Variants in KMO observed in about 807,000 individuals in gnomAD.
The protein encoded by KMO is kynurenine 3-hydroxylase.
A neutral mutation model predicts 57.8 loss-of-function variants in KMO; 24 were observed. That is an observed-to-expected ratio of 0.42 (90% CI 0.30 to 0.58). The LOEUF (loss-of-function observed/expected upper bound fraction) is 0.58. Ranked by LOEUF, KMO falls within the 20% of genes least tolerant of loss-of-function variation. The pLI is 0.22. For missense variants in KMO, 483 were observed against 588.2 expected (o/e 0.82, Z 1.85); for synonymous variants, 210 against 193.6 (o/e 1.08, Z -0.70).
chr1:241,544,467 T>C (rs940073134), intron 1 of KMO, among the ~76,000 whole-genome samples: 1 of 152,174 alleles, frequency 6.6e-6, no homozygotes, highest in African/African-American at 2.4e-5. Flanking sequence ...GGGTAACTTC[T>C]ACTGCATTTT....
Position 241,566,665 on chromosome 1 carries a change from A to T in KMO, c.809+53A>T. 2 of 1,597,816 alleles carry T rather than the reference A, an allele frequency of 1.3e-6. 1 individual carries two copies. Among genetic ancestry groups the T allele is most frequent in the East Asian group, 4.5e-5 (2 of 44,718 alleles). Reference sequence around the variant, plus strand: ...CATTTGTTTTAATTATTCCAAATTCAAATAAAGGTTATGCACCTGATTTCA... The same window carrying T: ...CATTTGTTTTAATTATTCCAAATTCTAATAAAGGTTATGCACCTGATTTCA... On this transcript the variant is annotated intron_variant, in intron 9 of 14. Transcript: ENST00000366559.
intron 4 of KMO, among the ~76,000 whole-genome samples, chr1:241,551,399 C>A (rs529321184): frequency 2.0e-5 from 3 of 152,280 alleles, no homozygotes; most frequent in South Asian, 2.1e-4. Flanking sequence ...CAAGAACAAT[C>A]TAGAAGGTTT....
Position 241,593,256 on chromosome 1 carries a change from T to A in KMO, c.*1103T>A. 3.2e-6 allele frequency: 1 copy of A among 310,744 alleles called. No homozygotes were observed. The highest frequency in any genetic ancestry group is 2.9e-5 in the South Asian group (1 of 34,918). 19.2% of individuals were successfully genotyped at this position (310,744 alleles called of 1,614,324 possible). On this transcript the variant is annotated 3_prime_UTR_variant, in exon 15 of 15. Transcript: ENST00000366559. ...TTCAATTTCAGACCCTCAGAAGCAA[T>A]TTACTAATTTATTCTTCGACTACAT...
At chr1:241,588,543 T>C (rs921179688) in intron 11 of KMO, among the ~76,000 whole-genome samples, 4 of 152,070 alleles carry the variant, frequency 2.6e-5, no homozygotes, top group African/African-American at 9.7e-5. Flanking sequence ...ATAGATTAAT[T>C]TTGTTGTAAT....
Position 241,592,367 on chromosome 1 carries a change from C to G in KMO, c.*214C>G, listed in dbSNP as rs1405041836. 1.8e-6 allele frequency: 1 copy of G among 560,550 alleles called. No individual in the cohort carries two copies. The highest frequency in any genetic ancestry group is 3.2e-6 in the Non-Finnish European group (1 of 313,776). The allele number at this position is 560,550 out of a possible 1,614,324, so 34.7% of individuals were successfully genotyped here. Reference sequence around the variant, plus strand: ...ACATGCAGCTTCCCTACATTACACACACTCAGGTTGAGTCATTCTAACTAT... The same window carrying G: ...ACATGCAGCTTCCCTACATTACACAGACTCAGGTTGAGTCATTCTAACTAT... On this transcript the variant is annotated 3_prime_UTR_variant, in exon 15 of 15. Transcript: ENST00000366559.
At chr1:241,572,655 A>G (rs920239242) in intron 10 of KMO, among the ~76,000 whole-genome samples, 5 of 152,024 alleles carry the variant, frequency 3.3e-5, no homozygotes, top group African/African-American at 9.7e-5. Context: ...TATATATTTT[A>G]TTTCAATAGC....
intron 11 of KMO, 82 bp downstream of exon 11, chr1:241,586,818 C>G (rs1312384562): frequency 3.1e-6 from 3 of 960,094 alleles, no homozygotes; most frequent in Non-Finnish European, 4.9e-6. Context: ...TCAATGATCA[C>G]AAACCTGTGA....
intron 9 of KMO, among the ~76,000 whole-genome samples, chr1:241,567,940 T>C (rs112401017): frequency 0.012 from 1,871 of 152,336 alleles, 39 homozygotes; most frequent in African/African-American, 0.042. Flanking sequence ...ATTAGGGTTT[T>C]TGTTTGTTTT....
At chr1:241,560,602 T>G in intron 5 of KMO, 63 bp from the exon 6 acceptor site, 1 of 1,157,994 alleles carries the variant, frequency 8.6e-7, no homozygotes, top group Non-Finnish European at 1.3e-6. Context: ...ACTATTTCAA[T>G]TTGATTAAGT....
chr1:241,591,346 TGTTA>T, intron 14 of KMO, among the ~76,000 whole-genome samples: 1 of 152,038 alleles, frequency 6.6e-6, no homozygotes, highest in East Asian at 1.9e-4. Context: ...ACTATAGCTA[TGTTA>T]GTTATGCTAA....
rs1464506545 is a variant in KMO at position 241,594,371 on chromosome 1, A to G, written c.*2218A>G. 33 of 1,560,726 alleles carry G rather than the reference A, an allele frequency of 2.1e-5. No homozygotes were observed. The highest frequency in any genetic ancestry group is 1.7e-5 in the Non-Finnish European group (19 of 1,148,266). On this transcript the variant is annotated 3_prime_UTR_variant, in exon 15 of 15. Coordinates refer to ENST00000366559, the MANE Select transcript of KMO (RefSeq NM_003679.5). ...GGTATTCCAGACACTTCTTATGATG[A>G]AAGTCCAAAAGTGGCATCCAATTTA...
At chr1:241,541,432 A>G (rs1660954557) in intron 1 of KMO, among the ~76,000 whole-genome samples, 1 of 152,174 alleles carries the variant, frequency 6.6e-6, no homozygotes, top group African/African-American at 2.4e-5. Context: ...AGGGCTGAGG[A>G]ATGGGAATAA....
At chr1:241,589,386 T>C (rs1227562860) in intron 12 of KMO, among the ~76,000 whole-genome samples, 1 of 152,170 alleles carries the variant, frequency 6.6e-6, no homozygotes, top group Non-Finnish European at 1.5e-5. Flanking sequence ...GATTATAGTT[T>C]TAAAATAATA....
At chr1:241,560,279 G>A (rs554448307) in intron 5 of KMO, among the ~76,000 whole-genome samples, 10 of 152,230 alleles carry the variant, frequency 6.6e-5, no homozygotes, top group East Asian at 1.9e-4. Context: ...AGAGACATGC[G>A]TAATATGAGG....
chr1:241,545,591 C>T (rs551890819), intron 1 of KMO, among the ~76,000 whole-genome samples: 1 of 152,264 alleles, frequency 6.6e-6, no homozygotes, highest in African/African-American at 2.4e-5. Context: ...AAGGCCCACC[C>T]TAATGATATC....
chr1:241,580,145 T>A (rs1437534602), intron 10 of KMO, among the ~76,000 whole-genome samples: 1 of 152,160 alleles, frequency 6.6e-6, no homozygotes, highest in Admixed American at 6.5e-5. Context: ...TGGCTTATAG[T>A]ATAGGTTGCA....
chr1:241,551,459 T>C (rs1258343960), intron 4 of KMO, among the ~76,000 whole-genome samples: 1 of 152,202 alleles, frequency 6.6e-6, no homozygotes, highest in African/African-American at 2.4e-5. Context: ...AAAATTGGGC[T>C]TATAATAGAA....
intron 14 of KMO, 144 bp downstream of exon 14, chr1:241,590,407 C>A: frequency 1.5e-6 from 1 of 669,646 alleles, no homozygotes; most frequent in Non-Finnish European, 2.6e-6. Flanking sequence ...GTCCTGAGTA[C>A]AGAGAGGGAA....
rs1447551074 is a variant in KMO at position 241,592,729 on chromosome 1, T to C, written c.*576T>C. 1 of 155,042 alleles carries C rather than the reference T, an allele frequency of 6.4e-6. No homozygotes were observed. Among genetic ancestry groups the C allele is most frequent in the Non-Finnish European group, 1.4e-5 (1 of 70,288 alleles). The allele number at this position is 155,042 out of a possible 1,614,324, so 9.6% of individuals were successfully genotyped here. On this transcript the variant is annotated 3_prime_UTR_variant, in exon 15 of 15. Coordinates refer to ENST00000366559, the MANE Select transcript of KMO (RefSeq NM_003679.5). ...ATCATCTATCTGTTTATCGTCTATC[T>C]ATCTATCATCTATCTATCTATCTAT... is the stretch of plus-strand genomic sequence containing the variant.
Sources: gnomAD v4.1 joint callset for allele counts (sites outside exome capture counted in the v4.1 genomes callset) on GRCh38, gnomAD v4.1.1 for gene constraint, MANE v1.5 for transcripts, NCBI Gene and HGNC (gene_info 2026-07-23, HGNC 2026-07-21) for gene names.